The following RSRP1 variants were observed in gnomAD, a reference collection of about 807,000 sequenced individuals.
RSRP1 encodes arginine and serine rich protein 1.
RSRP1 carries 37 observed loss-of-function variants against 33.0 expected under a neutral mutation model. That is an observed-to-expected ratio of 1.12 (90% CI 0.86 to 1.48). The LOEUF (loss-of-function observed/expected upper bound fraction) is 1.48. Ranked by LOEUF, RSRP1 falls within the 40% of genes most tolerant of loss-of-function variation. The pLI is 0.00. For missense variants in RSRP1, 402 were observed against 385.3 expected, an observed-to-expected ratio of 1.04 and a Z score of -0.36; for synonymous variants, 167 against 158.7, an observed-to-expected ratio of 1.05 and a Z score of -0.40.
chr1:25,247,545 C>T (rs1639581578), upstream of RSRP1: 1 of 152,358 alleles, frequency 6.6e-6, no homozygotes, highest in African/African-American at 2.4e-5. Context: ...CGGCTCTTCT[C>T]TTGCCCAACC....
rs555532726 is a variant in RSRP1 at position 25,295,987 on chromosome 1, C to T, written c.-67+41991G>A. 4.6e-3 allele frequency among the ~76,000 whole-genome samples: 544 copies of T among 117,204 alleles called. 57 individuals carry two copies. Among genetic ancestry groups the T allele is most frequent in the African/African-American group, 0.014 (483 of 34,186 alleles). 76.9% of individuals were successfully genotyped at this position (117,204 alleles called of 152,430 possible). A position where few individuals can be genotyped will look rare whatever the true frequency, so the allele number is the denominator to read the frequency against. ...AAGTGATTCTCCTGTCTCAGCTTCC[C>T]GAGTAGCTGAGATTACAGGCACACA... On this transcript the variant is annotated intron_variant, in intron 1 of 1. Coordinates refer to the RSRP1 transcript ENST00000561867.
At chr1:25,314,797 C>A (rs1644350848) in intron 1 of RSRP1, among the ~76,000 whole-genome samples, 1 of 132,480 alleles carries the variant, frequency 7.5e-6, no homozygotes, top group Admixed American at 7.3e-5. Context: ...AGCCACCATG[C>A]CCAGCCCACC....
At position 25,320,957 on chromosome 1, in the gene RSRP1, T is replaced by G. The variant is rs187317244; in HGVS notation, c.-67+17021A>C. 5.3e-5 allele frequency among the ~76,000 whole-genome samples: 7 copies of G among 130,896 alleles called. 3 individuals carry two copies. The highest frequency in any genetic ancestry group is 9.0e-5 in the Non-Finnish European group (5 of 55,252). 85.9% of individuals were successfully genotyped at this position (130,896 alleles called of 152,430 possible). A position where few individuals can be genotyped will look rare whatever the true frequency, so the allele number is the denominator to read the frequency against. On this transcript the variant is annotated intron_variant, in intron 1 of 1. Transcript: ENST00000561867. ...TACTTGGGAGGCTGAGGTGGGAGGG[T>G]TGCTTGACCCCGGGAGTTTGAGGCT...
At chr1:25,283,725 G>A (rs889378195) in intron 1 of RSRP1, among the ~76,000 whole-genome samples, 2 of 133,862 alleles carry the variant, frequency 1.5e-5, no homozygotes, top group African/African-American at 2.6e-5. Flanking sequence ...GGAAATGTAG[G>A]CTGTTATAAA....
intron 1 of RSRP1, chr1:25,300,906 G>T: frequency 1.5e-6 from 2 of 1,369,450 alleles, no homozygotes; most frequent in South Asian, 2.4e-5. Flanking sequence ...CCCGGGCAGA[G>T]GATGCCGACA....
At chr1:25,254,344 T>G (rs1369531507) in intron 1 of RSRP1, among the ~76,000 whole-genome samples, 2 of 152,208 alleles carry the variant, frequency 1.3e-5, no homozygotes, top group Non-Finnish European at 2.9e-5. Flanking sequence ...CATGAATACC[T>G]AGTATGTGAA....
At position 25,312,621 on chromosome 1, in the gene RSRP1, A is replaced by G. The variant is rs1418857894; in HGVS notation, c.-67+25357T>C. 1.0e-4 allele frequency among the ~76,000 whole-genome samples: 13 copies of G among 129,354 alleles called. 2 individuals are homozygous for G. Among genetic ancestry groups the G allele is most frequent in the African/African-American group, 2.4e-4 (9 of 38,072 alleles). 84.9% of individuals were successfully genotyped at this position (129,354 alleles called of 152,430 possible). On this transcript the variant is annotated intron_variant, in intron 1 of 1. Transcript: ENST00000561867. ...AAAAATTAGCCAGGTATTGTGGCAT[A>G]TACCTGTAATTCTAGCTACTCAGGA... is the stretch of plus-strand genomic sequence containing the variant.
intron 1 of RSRP1, among the ~76,000 whole-genome samples, chr1:25,260,713 C>T (rs1014143338): frequency 1.3e-5 from 2 of 152,100 alleles, no homozygotes; most frequent in Non-Finnish European, 2.9e-5. Flanking sequence ...CTGGTGAGAC[C>T]TCTCTCCCTG....
At chr1:25,284,777 G>A in intron 1 of RSRP1, 5 of 1,386,660 alleles carry the variant, frequency 3.6e-6, no homozygotes, top group Non-Finnish European at 5.1e-6. Context: ...GATGGTGGCT[G>A]GATCACTTCT....
At position 25,310,282 on chromosome 1, in the gene RSRP1, A is replaced by ATG. The variant is rs1325416667; in HGVS notation, c.-67+27695_-67+27696insCA. On this transcript the variant is annotated intron_variant, in intron 1 of 1. Transcript: ENST00000561867. ...GAGGAAGGGCCTTTGGGAAGTAATT[A>ATG]GGATTAGATAAGGTCATGGGGTGAG... 5.3e-5 allele frequency among the ~76,000 whole-genome samples: 7 copies of ATG among 133,258 alleles called. 1 individual carries two copies. The highest frequency in any genetic ancestry group is 1.8e-4 in the African/African-American group (7 of 39,428). The allele number at this position is 133,258 out of a possible 152,430, so 87.4% of individuals were successfully genotyped here.
chr1:25,292,232 A>C (rs1642569938), intron 1 of RSRP1, among the ~76,000 whole-genome samples: 1 of 132,380 alleles, frequency 7.6e-6, no homozygotes, highest in African/African-American at 2.6e-5. Flanking sequence ...TTTGGATTTT[A>C]CTCTGAGAAA....
chr1:25,291,658 C>T (rs1345537675), intron 1 of RSRP1, among the ~76,000 whole-genome samples: 1 of 132,290 alleles, frequency 7.6e-6, no homozygotes, highest in Admixed American at 7.4e-5. Context: ...AATTAATTCT[C>T]AGAGCCTCAC....
chr1:25,259,514 T>A (rs1044523309), intron 1 of RSRP1, among the ~76,000 whole-genome samples: 1 of 151,888 alleles, frequency 6.6e-6, no homozygotes, highest in African/African-American at 2.4e-5. Flanking sequence ...TTTTATACTT[T>A]TTTTTTTGAA....
intron 1 of RSRP1, among the ~76,000 whole-genome samples, chr1:25,315,021 G>A (rs1644363136): frequency 7.7e-6 from 1 of 129,450 alleles, no homozygotes; most frequent in Non-Finnish European, 1.8e-5. Flanking sequence ...TGGCCAACAT[G>A]GTGAAGCCCT....
intron 1 of RSRP1, among the ~76,000 whole-genome samples, chr1:25,258,506 G>A (rs28621775): frequency 6.6e-6 from 1 of 152,106 alleles, no homozygotes; most frequent in South Asian, 2.1e-4. Context: ...GGGAGAAGAA[G>A]ACTTTTTGGA....
chr1:25,255,916 G>A (rs1639932357), intron 1 of RSRP1, among the ~76,000 whole-genome samples: 1 of 152,152 alleles, frequency 6.6e-6, no homozygotes, highest in African/African-American at 2.4e-5. Context: ...TACAGATGAA[G>A]CTTCACTCGC....
chr1:25,255,521 A>T (rs533949407), intron 1 of RSRP1, among the ~76,000 whole-genome samples: 1 of 151,912 alleles, frequency 6.6e-6, no homozygotes, highest in East Asian at 1.9e-4. Context: ...GCAGTCCCCA[A>T]CCCTTTCGGC....
At chr1:25,264,478 C>A (rs1483841642) in intron 1 of RSRP1, among the ~76,000 whole-genome samples, 3 of 146,738 alleles carry the variant, frequency 2.0e-5, no homozygotes, top group Admixed American at 6.9e-5. Context: ...ACCTTGCCTC[C>A]CGTCAGTCAT....
chr1:25,334,135 T>G (rs1645050003), intron 1 of RSRP1, among the ~76,000 whole-genome samples: 1 of 132,302 alleles, frequency 7.6e-6, no homozygotes, highest in Admixed American at 7.3e-5. Flanking sequence ...TTTCCATCTA[T>G]GAGCCTATAA....
Sources: gnomAD v4.1 joint callset for allele counts (sites outside exome capture counted in the v4.1 genomes callset) on GRCh38, gnomAD v4.1.1 for gene constraint, MANE v1.5 for transcripts, NCBI Gene and HGNC (gene_info 2026-07-23, HGNC 2026-07-21) for gene names.